Variants in MICAL2 observed in about 807,000 individuals in gnomAD.
MICAL2 encodes [F-actin]-monooxygenase MICAL2.
A neutral mutation model predicts 127.3 loss-of-function variants in MICAL2; 77 were observed. That is an observed-to-expected ratio of 0.60 (90% confidence interval 0.50 to 0.73). The LOEUF (loss-of-function observed/expected upper bound fraction) is 0.73. Among genes scored for constraint, MICAL2 ranks in the 30% least tolerant of loss-of-function variants. The pLI is 0.00. For synonymous variants in MICAL2, 570 were observed against 551.1 expected (o/e 1.03, Z -0.48); for missense variants, 1,351 against 1,434.4 (o/e 0.94, Z 0.94).
At chr11:12,255,572 T>G in intron 22 of MICAL2, 71 bp from the exon 23 acceptor site, 2 of 1,360,294 alleles carry the variant, frequency 1.5e-6, no homozygotes, top group Non-Finnish European at 2.1e-6. Context: ...CCATCCTGCT[T>G]GTGTTTTCCT....
At chr11:12,241,016 T>A in intron 17 of MICAL2, 24 bp from the exon 18 acceptor site, 1 of 1,611,716 alleles carries the variant, frequency 6.2e-7, no homozygotes, top group Non-Finnish European at 8.5e-7. Context: ...GGCTGCTTTT[T>A]TGGACTCGCC....
Position 12,242,244 on chromosome 11 carries a change from C to T in MICAL2, c.2368C>T (p.Leu790Phe). 1 of 1,612,598 alleles carries T rather than the reference C, an allele frequency of 6.2e-7. No individual in the cohort carries two copies. Among genetic ancestry groups the T allele is most frequent in the South Asian group, 1.1e-5 (1 of 90,986 alleles). ...CTCTGTGGTCGTGACGGGGCACGTGCTCAGAGAGCTCAAGCAAGTGTCTGC... is the reference window on the plus strand; with the variant it reads ...CTCTGTGGTCGTGACGGGGCACGTGTTCAGAGAGCTCAAGCAAGTGTCTGC... ...FPSVVVTGHV[L>F]RELKQVSAGS... Residue 790 changes from leucine to phenylalanine, a missense_variant, in exon 19 of 28, where the codon CTC becomes TTC. Physicochemically the swap from Leu to Phe is conservative, Grantham distance 22 (BLOSUM62 0). Transcript: ENST00000683283.
intron 3 of MICAL2, among the ~76,000 whole-genome samples, 192 bp downstream of exon 3, chr11:12,162,611 C>T (rs575228516): frequency 2.6e-5 from 4 of 152,230 alleles, no homozygotes; most frequent in Non-Finnish European, 4.4e-5. Flanking sequence ...TCCCTCCACT[C>T]GTGCCCTCTC....
intron 23 of MICAL2, chr11:12,255,994 C>A: frequency 2.2e-6 from 1 of 445,848 alleles, no homozygotes; most frequent in Non-Finnish European, 4.0e-6. Flanking sequence ...CTCTCTGTGG[C>A]TTTGGAGAAC....
At chr11:12,222,448 C>T (rs1856935392) in intron 10 of MICAL2, among the ~76,000 whole-genome samples, 169 bp from the exon 11 acceptor site, 1 of 152,214 alleles carries the variant, frequency 6.6e-6, no homozygotes, top group East Asian at 1.9e-4. Flanking sequence ...TGACCTTCTC[C>T]CCACTTTGCA....
chr11:12,197,041 A>C (rs1860027830), intron 3 of MICAL2, among the ~76,000 whole-genome samples: 2 of 152,226 alleles, frequency 1.3e-5, no homozygotes, highest in Admixed American at 1.3e-4. Flanking sequence ...CAGAGGTAAT[A>C]CCAAACAATC....
intron 32 of MICAL2, among the ~76,000 whole-genome samples, chr11:12,337,607 C>G (rs1938789584): frequency 6.6e-6 from 1 of 151,960 alleles, no homozygotes; most frequent in Admixed American, 6.6e-5. Flanking sequence ...ATAAATTTCC[C>G]TCTACACACT....
intron 3 of MICAL2, among the ~76,000 whole-genome samples, chr11:12,188,760 A>G (rs1301751731): frequency 1.3e-5 from 2 of 152,136 alleles, no homozygotes; most frequent in African/African-American, 4.8e-5. Context: ...CTCATCTGTG[A>G]AATGGACGCA....
In MICAL2 at chr11:12,255,832, G is replaced by A. The variant is rs114926650; in HGVS notation, c.2955+82G>A. 1,062 of 1,084,286 alleles carry A rather than the reference G, an allele frequency of 9.8e-4. 8 individuals carry two copies. The African/African-American group carries it at 0.015, about 15-fold the overall frequency. The allele number at this position is 1,084,286 out of a possible 1,614,324, so 67.2% of individuals were successfully genotyped here. The stretch of plus-strand genomic sequence containing the variant: ...CGGGCACATGGGATGTCGAGAGGAT[G>A]CCCTGGCCCTCCCGAGGCTCCTCTT... On this transcript the variant is annotated intron_variant, in intron 23 of 27. Coordinates refer to ENST00000683283, the MANE Select transcript of MICAL2 (RefSeq NM_001282663.2).
intron 15 of MICAL2, among the ~76,000 whole-genome samples, chr11:12,229,834 C>A (rs946957253): frequency 6.6e-6 from 1 of 152,242 alleles, no homozygotes; most frequent in African/African-American, 2.4e-5. Context: ...GTTCAGTCTT[C>A]TTCAGGGTGT....
chr11:12,135,041 A>G (rs1400392615), intron 1 of MICAL2, among the ~76,000 whole-genome samples: 3 of 152,156 alleles, frequency 2.0e-5, no homozygotes, highest in East Asian at 1.9e-4. Flanking sequence ...GGCCTTCCCC[A>G]GGAGTTTTCA....
intron 12 of MICAL2, 26 bp downstream of exon 12, chr11:12,223,527 T>C (rs772383003): frequency 1.3e-6 from 2 of 1,598,742 alleles, no homozygotes; most frequent in Non-Finnish European, 1.7e-6. Flanking sequence ...GGGACCCTGG[T>C]GGGTGGCTGG....
chr11:12,341,252 T>C (rs1185909344), intron 32 of MICAL2, among the ~76,000 whole-genome samples: 1 of 152,038 alleles, frequency 6.6e-6, no homozygotes, highest in African/African-American at 2.4e-5. Flanking sequence ...GGCCCCTAGA[T>C]CATCAGTGAA....
downstream of MICAL2, among the ~76,000 whole-genome samples, chr11:12,264,785 G>A (rs571179004): frequency 2.6e-4 from 40 of 152,296 alleles, no homozygotes; most frequent in African/African-American, 8.9e-4. Flanking sequence ...GTGCTGGGCT[G>A]TGCAAGTGAC....
downstream of MICAL2, chr11:12,294,845 G>A: frequency 8.3e-7 from 1 of 1,211,702 alleles, no homozygotes; most frequent in Non-Finnish European, 1.1e-6. Flanking sequence ...TCCTCCTACA[G>A]CGGGAGGTGC....
intron 32 of MICAL2, among the ~76,000 whole-genome samples, chr11:12,332,263 C>T (rs183816332): frequency 6.6e-6 from 1 of 152,302 alleles, no homozygotes; most frequent in East Asian, 1.9e-4. Flanking sequence ...AAAGGTTGTA[C>T]CCTTTCATCC....
chr11:12,191,280 C>T (rs1465184072), intron 3 of MICAL2, among the ~76,000 whole-genome samples: 3 of 151,840 alleles, frequency 2.0e-5, no homozygotes, highest in African/African-American at 7.3e-5. Flanking sequence ...GCCTGGCCAA[C>T]ATGGTGAAAC....
At chr11:12,251,525 G>A (rs1861546890) in intron 22 of MICAL2, among the ~76,000 whole-genome samples, 1 of 147,732 alleles carries the variant, frequency 6.8e-6, no homozygotes, top group Admixed American at 6.8e-5. Flanking sequence ...GGTTGGGAAG[G>A]GCAGGTAGGA....
chr11:12,114,096 T>C (rs966275142), intron 1 of MICAL2, among the ~76,000 whole-genome samples: 1 of 152,220 alleles, frequency 6.6e-6, no homozygotes, highest in African/African-American at 2.4e-5. Context: ...CACAAACTCA[T>C]AATGCATAAT....
Sources: allele counts gnomAD v4.1 joint callset (sites outside exome capture counted in the v4.1 genomes callset), GRCh38; gene constraint gnomAD v4.1.1; transcripts MANE v1.5; gene names NCBI Gene and HGNC (gene_info 2026-07-23, HGNC 2026-07-21).